Variants in NRG1 observed in about 807,000 individuals in gnomAD.
NRG1 encodes pro-neuregulin-1, membrane-bound isoform.
A neutral mutation model predicts 63.8 loss-of-function variants in NRG1; 18 were observed. That is an observed-to-expected ratio of 0.28 (90% CI 0.19 to 0.42). NRG1 has a LOEUF of 0.42. Among genes scored for constraint, NRG1 ranks in the 10% least tolerant of loss-of-function variants. NRG1 has a pLI of 1.00. For missense variants in NRG1, 762 were observed against 814.7 expected, an observed-to-expected ratio of 0.94 and a Z score of 0.79; for synonymous variants, 302 against 301.3, an observed-to-expected ratio of 1.00 and a Z score of -0.02.
chr8:31,740,555 A>C (rs1046726924), intron 1 of NRG1, among the ~76,000 whole-genome samples: 2 of 152,032 alleles, frequency 1.3e-5, no homozygotes, highest in South Asian at 2.1e-4. Context: ...CAAAATGTCC[A>C]TGACTTCTTT....
rs374122951 is a variant in NRG1, at chr8:31,762,007, G to A, written c.37+122576G>A. Among the ~76,000 whole-genome samples the A allele has an allele frequency of 5.3e-5, 8 of 152,212 alleles. No homozygotes were observed. In the South Asian group the frequency reaches 1.0e-3, roughly 20 times the overall value. On this transcript the variant is annotated intron_variant, in intron 1 of 10. Coordinates refer to the NRG1 transcript ENST00000519301. ...CTTCTGTGAATAAAGGCAGTTTAAC[G>A]TCTTTGACAATTTTTTTGTATAGCA... is the stretch of plus-strand genomic sequence containing the variant.
At chr8:32,232,766 A>T (rs1303541183) in intron 1 of NRG1, among the ~76,000 whole-genome samples, 1 of 152,124 alleles carries the variant, frequency 6.6e-6, no homozygotes, top group Non-Finnish European at 1.5e-5. Context: ...CCATTTGAAG[A>T]TATTGCCTAA....
intron 1 of NRG1, among the ~76,000 whole-genome samples, chr8:31,858,612 A>G (rs1828170472): frequency 6.6e-6 from 1 of 152,130 alleles, no homozygotes; most frequent in Non-Finnish European, 1.5e-5. Context: ...ACTTACACCA[A>G]AAAAATGTTC....
intron 1 of NRG1, among the ~76,000 whole-genome samples, chr8:32,479,914 C>T (rs1825038174): frequency 6.6e-6 from 1 of 152,132 alleles, no homozygotes; most frequent in African/African-American, 2.4e-5. Context: ...TCCCAAAGCG[C>T]TGGGATTACA....
In NRG1 at chr8:32,742,148, C is replaced by A; in HGVS notation, c.633-527C>A. ...CAATCACTACCACTTGGTGCTTTTA[C>A]AGCTCAGTCGTAACTGATTCATTTT... On this transcript the variant is annotated intron_variant, in intron 6 of 11. Transcript: ENST00000356819. The surrounding 1 kb of genome is among the most constrained non-coding windows in gnomAD (Gnocchi z 4.2). 1 of 1,215,112 alleles carries A rather than the reference C, an allele frequency of 8.2e-7. No individual in the cohort carries two copies. Among genetic ancestry groups the A allele is most frequent in the Non-Finnish European group, 1.2e-6 (1 of 820,014 alleles). The allele number at this position is 1,215,112 out of a possible 1,614,324, so 75.3% of individuals were successfully genotyped here. A position where few individuals can be genotyped will look rare whatever the true frequency, so the allele number is the denominator to read the frequency against.
At chr8:32,260,328 A>G (rs1480117485) in intron 1 of NRG1, among the ~76,000 whole-genome samples, 1 of 152,214 alleles carries the variant, frequency 6.6e-6, no homozygotes, top group Non-Finnish European at 1.5e-5. Context: ...CTTATGTAGC[A>G]ACAGAAGTTT....
rs1283667208 is a variant in NRG1, at chr8:31,640,259, G to T, written c.37+828G>T. 2 of 1,141,428 alleles carry T rather than the reference G, an allele frequency of 1.8e-6. No homozygotes were observed. The highest frequency in any genetic ancestry group is 1.6e-5 in the African/African-American group (1 of 60,784). 70.7% of individuals were successfully genotyped at this position (1,141,428 alleles called of 1,614,324 possible). A position where few individuals can be genotyped will look rare whatever the true frequency, so the allele number is the denominator to read the frequency against. ...GAGGGAAAGGTGCACCCGCAGCGGC[G>T]GCAGCAGGGGGCACTCGACAGGAAG... is the stretch of plus-strand genomic sequence containing the variant. On this transcript the variant is annotated intron_variant, in intron 1 of 10. Coordinates refer to the NRG1 transcript ENST00000519301. The surrounding 1 kb of genome is among the most constrained non-coding windows in gnomAD (Gnocchi z 6.3).
At chr8:32,764,336 G>C (rs747143197) in exon 12 of NRG1, 3 of 1,613,154 alleles carry the variant, frequency 1.9e-6, no homozygotes, top group Admixed American at 1.7e-5. Context: ...GCCGCTTCTC[G>C]ACACAGGAAG....
intron 1 of NRG1, among the ~76,000 whole-genome samples, chr8:32,043,664 G>T (rs1820453257): frequency 6.6e-6 from 1 of 151,722 alleles, no homozygotes; most frequent in African/African-American, 2.4e-5. Flanking sequence ...AATATAAAAG[G>T]ACCTATATGA....
At chr8:32,647,661 G>C (rs146169905) in intron 5 of NRG1, 1 of 1,500,176 alleles carries the variant, frequency 6.7e-7, no homozygotes. Context: ...GGTTGGGGGG[G>C]CCTCTGCGTG....
chr8:31,667,268 G>C (rs1806646174), intron 1 of NRG1, among the ~76,000 whole-genome samples: 1 of 152,204 alleles, frequency 6.6e-6, no homozygotes, highest in Non-Finnish European at 1.5e-5. Context: ...TACATTAGGA[G>C]TTCCCAATCT....
At chr8:32,477,463 A>G (rs1214681328) in intron 1 of NRG1, among the ~76,000 whole-genome samples, 1 of 152,220 alleles carries the variant, frequency 6.6e-6, no homozygotes, top group Non-Finnish European at 1.5e-5. Flanking sequence ...CTCATGTCTT[A>G]TATATGCTGT....
intron 1 of NRG1, among the ~76,000 whole-genome samples, chr8:32,019,181 C>T (rs949230336): frequency 6.6e-6 from 1 of 152,220 alleles, no homozygotes; most frequent in African/African-American, 2.4e-5. Context: ...TCACTGCAAG[C>T]TCCGTCTCCC....
intron 1 of NRG1, among the ~76,000 whole-genome samples, chr8:31,801,291 G>A (rs986020400): frequency 6.6e-6 from 1 of 152,062 alleles, no homozygotes; most frequent in Admixed American, 6.6e-5. Flanking sequence ...TAGATGAAAT[G>A]GTGTTTTGTT....
At chr8:32,173,750 T>C (rs1840357399) in intron 1 of NRG1, among the ~76,000 whole-genome samples, 1 of 152,110 alleles carries the variant, frequency 6.6e-6, no homozygotes, top group African/African-American at 2.4e-5. Context: ...AAGAAGGCCA[T>C]TACATAATGG....
intron 1 of NRG1, among the ~76,000 whole-genome samples, chr8:32,281,277 A>G (rs1852807863): frequency 6.9e-6 from 1 of 144,866 alleles, no homozygotes; most frequent in Non-Finnish European, 1.5e-5. Context: ...CCTGAGTTCA[A>G]GCGATTCCCC....
At chr8:32,376,284 G>A (rs1001605418) in intron 1 of NRG1, among the ~76,000 whole-genome samples, 5 of 152,146 alleles carry the variant, frequency 3.3e-5, no homozygotes, top group African/African-American at 7.2e-5. Flanking sequence ...GTCACAGATC[G>A]CTCTGGCCAT....
intron 5 of NRG1, among the ~76,000 whole-genome samples, chr8:32,687,623 A>G (rs1468543437): frequency 6.6e-6 from 1 of 152,140 alleles, no homozygotes; most frequent in Non-Finnish European, 1.5e-5. Flanking sequence ...GATGATCTGA[A>G]TTCACATAGG....
intron 1 of NRG1, among the ~76,000 whole-genome samples, chr8:31,767,847 CAAA>C (rs55792550): frequency 1.9e-5 from 2 of 104,400 alleles, no homozygotes; most frequent in South Asian, 2.9e-4. Flanking sequence ...AACTCTTTCT[CAAA>C]AAAAAAAAAA....
Sources: allele counts gnomAD v4.1 joint callset (sites outside exome capture counted in the v4.1 genomes callset), GRCh38; gene constraint gnomAD v4.1.1; non-coding constraint Gnocchi (gnomAD v3.1); transcripts MANE v1.5; gene names NCBI Gene and HGNC (gene_info 2026-07-23, HGNC 2026-07-21).